TFF3: variants seen among roughly 807,000 people sequenced by gnomAD.
TFF3 encodes polypeptide P1.B.
In TFF3, 6 loss-of-function variants were observed where a neutral mutation model predicts 9.7. The observed-to-expected ratio is 0.62, with a 90% CI of 0.34 to 1.22. TFF3 has a LOEUF of 1.22. TFF3 is among the 50% of genes most tolerant of loss of function. The pLI is 0.04. For synonymous variants in TFF3, 48 were observed against 41.4 expected, an observed-to-expected ratio of 1.16 and a Z score of -0.61; for missense variants, 93 against 98.6, an observed-to-expected ratio of 0.94 and a Z score of 0.24.
At position 42,315,404 on chromosome 21, in the gene TFF3, G is replaced by A; in HGVS notation, c.-30C>T. On this transcript the variant is annotated 5_prime_UTR_variant, in exon 1 of 3. Transcript: ENST00000518498. ...ACCGTGGGCTCCGGGACGCAGCTCAGGACTCGCTTCATGGTCCAGGAGGCC... is the reference window on the plus strand; with the variant it reads ...ACCGTGGGCTCCGGGACGCAGCTCAAGACTCGCTTCATGGTCCAGGAGGCC... The A allele has an allele frequency of 1.2e-6, 2 of 1,614,186 alleles. No homozygotes were observed. The highest frequency in any genetic ancestry group is 1.7e-6 in the Non-Finnish European group (2 of 1,180,032).
intron 1 of TFF3, among the ~76,000 whole-genome samples, chr21:42,314,310 C>T (rs771547981): frequency 6.6e-6 from 1 of 152,190 alleles, no homozygotes; most frequent in South Asian, 2.1e-4. Context: ...TGCTTATCCT[C>T]CTGGCATCCA....
Position 42,312,172 on chromosome 21 carries a change from G to A in TFF3, c.*84C>T, listed in dbSNP as rs752538413. On this transcript the variant is annotated 3_prime_UTR_variant, in exon 3 of 3. Transcript: ENST00000518498. The stretch of plus-strand genomic sequence containing the variant: ...GGGAGCAAAGGGACAGAAAAGCTGA[G>A]ATGAACAGTGCCTGGCAGCAATCAC... 1 of 1,584,568 alleles carries A rather than the reference G, an allele frequency of 6.3e-7. No individual in the cohort carries two copies. Among genetic ancestry groups the A allele is most frequent in the Admixed American group, 1.7e-5 (1 of 59,978 alleles).
At position 42,312,068 on chromosome 21, in the gene TFF3, T is replaced by A; in HGVS notation, c.*188A>T. The A allele has an allele frequency of 1.3e-6, 1 of 747,382 alleles. No homozygotes were observed. The highest frequency in any genetic ancestry group is 2.4e-6 in the Non-Finnish European group (1 of 421,996). 46.3% of individuals were successfully genotyped at this position (747,382 alleles called of 1,614,324 possible). ...TCAGAAAGTCTCAGGCACGAAGAACTGTCCTCGGGTGGAGCATGGGACCTT... is the reference window on the plus strand; with the variant it reads ...TCAGAAAGTCTCAGGCACGAAGAACAGTCCTCGGGTGGAGCATGGGACCTT... On this transcript the variant is annotated 3_prime_UTR_variant, in exon 3 of 3. Transcript: ENST00000518498.
chr21:42,314,680 GC>G (rs1351798303), intron 1 of TFF3, among the ~76,000 whole-genome samples: 1 of 152,216 alleles, frequency 6.6e-6, no homozygotes, highest in Non-Finnish European at 1.5e-5. Flanking sequence ...CCTGGATCTT[GC>G]CTGGAGATGC....
Position 42,314,118 on chromosome 21 carries a change from G to C in TFF3, c.83-487C>G, listed in dbSNP as rs76500576. Among the ~76,000 whole-genome samples the C allele has an allele frequency of 4.0e-3, 611 of 152,280 alleles. 9 individuals are homozygous for C. In the East Asian group the frequency reaches 0.048, roughly 12 times the overall value. ...GCATCTCCCCTTCCTGAATTGTTGA[G>C]CATGTCCCACCCTCCCGGGACATCC... is the stretch of plus-strand genomic sequence containing the variant. On this transcript the variant is annotated intron_variant, in intron 1 of 2. Transcript: ENST00000518498.
chr21:42,312,874 A>C (rs952453743), intron 2 of TFF3, among the ~76,000 whole-genome samples: 1 of 152,158 alleles, frequency 6.6e-6, no homozygotes, highest in Non-Finnish European at 1.5e-5. Flanking sequence ...GGGGCAGCTA[A>C]GCCTGGTGGA....
chr21:42,313,826 G>T lies in TFF3; in HGVS notation c.83-195C>A. 1 of 591,962 alleles carries T rather than the reference G, an allele frequency of 1.7e-6. No individual in the cohort carries two copies. The highest frequency in any genetic ancestry group is 2.8e-6 in the Non-Finnish European group (1 of 361,062). 36.7% of individuals were successfully genotyped at this position (591,962 alleles called of 1,614,324 possible). On this transcript the variant is annotated intron_variant, in intron 1 of 2. Transcript: ENST00000518498. The surrounding 1 kb of genome is among the most constrained non-coding windows in gnomAD (Gnocchi z 4.0). ...AGAGAGGCAGTCTGTTAAATGCTCA[G>T]CTCGGGGACTCTGGCCATTTGCCTA...
chr21:42,312,665 G>T (rs1479830472), intron 2 of TFF3, among the ~76,000 whole-genome samples: 1 of 152,128 alleles, frequency 6.6e-6, no homozygotes. Context: ...GAGGCCCTGG[G>T]CAGGGGCCCA....
In TFF3 at chr21:42,313,267, T is replaced by C. The variant is rs538031978; in HGVS notation, c.229+218A>G. 1.3e-5 allele frequency among the ~76,000 whole-genome samples: 2 copies of C among 152,296 alleles called. No individual in the cohort carries two copies. The highest frequency in any genetic ancestry group is 2.1e-4 in the South Asian group (1 of 4,822). On this transcript the variant is annotated intron_variant, in intron 2 of 2. Coordinates refer to ENST00000518498, the MANE Select transcript of TFF3 (RefSeq NM_003226.4). The surrounding 1 kb of genome is among the most constrained non-coding windows in gnomAD (Gnocchi z 4.0). Reference sequence around the variant, plus strand: ...CATTTTGAACACCTTTTTGAAACAATTGCTTTTATGTTTTACATAAAGGGG... The same window carrying C: ...CATTTTGAACACCTTTTTGAAACAACTGCTTTTATGTTTTACATAAAGGGG...
rs900402757 is a variant in TFF3 at position 42,313,168 on chromosome 21, C to T, written c.229+317G>A. Among the ~76,000 whole-genome samples, 1 of 152,206 alleles carries T rather than the reference C, an allele frequency of 6.6e-6. No homozygotes were observed. The highest frequency in any genetic ancestry group is 1.5e-5 in the Non-Finnish European group (1 of 68,032). On this transcript the variant is annotated intron_variant, in intron 2 of 2. Coordinates refer to ENST00000518498, the MANE Select transcript of TFF3 (RefSeq NM_003226.4). The surrounding 1 kb of genome is among the most constrained non-coding windows in gnomAD (Gnocchi z 4.0). ...TGCAAAAACAGCCCAAAAGTCGGCC[C>T]GGCTTTCCACACCTATGCGTTTCCA...
At chr21:42,314,826 C>T (rs1244099827) in intron 1 of TFF3, among the ~76,000 whole-genome samples, 1 of 152,206 alleles carries the variant, frequency 6.6e-6, no homozygotes, top group Non-Finnish European at 1.5e-5. Context: ...GCCCTCATTC[C>T]TTCAAACTTG....
intron 1 of TFF3, among the ~76,000 whole-genome samples, chr21:42,314,376 G>A (rs1171248139): frequency 1.3e-5 from 2 of 152,192 alleles, no homozygotes; most frequent in African/African-American, 4.8e-5. Flanking sequence ...GACGTTGGCT[G>A]GGCATGGTGG....
chr21:42,313,727 C>G lies in TFF3; in HGVS notation c.83-96G>C. 1 of 1,403,566 alleles carries G rather than the reference C, an allele frequency of 7.1e-7. No individual in the cohort carries two copies. Among genetic ancestry groups the G allele is most frequent in the Non-Finnish European group, 9.5e-7 (1 of 1,056,952 alleles). The allele number at this position is 1,403,566 out of a possible 1,614,324, so 86.9% of individuals were successfully genotyped here. Reference sequence around the variant, plus strand: ...TGCAAGTTTGCATCCTCCCGCTCCGCCCCACCCCGCCGAGTTCAACCACTG... The same window carrying G: ...TGCAAGTTTGCATCCTCCCGCTCCGGCCCACCCCGCCGAGTTCAACCACTG... On this transcript the variant is annotated intron_variant, in intron 1 of 2. Transcript: ENST00000518498. The surrounding 1 kb of genome is among the most constrained non-coding windows in gnomAD (Gnocchi z 4.0).
In TFF3 at chr21:42,312,139, C is replaced by G; in HGVS notation, c.*117G>C. 1 of 1,397,078 alleles carries G rather than the reference C, an allele frequency of 7.2e-7. No individual in the cohort carries two copies. Among genetic ancestry groups the G allele is most frequent in the Non-Finnish European group, 1.0e-6 (1 of 982,206 alleles). The allele number at this position is 1,397,078 out of a possible 1,614,324, so 86.5% of individuals were successfully genotyped here. A position where few individuals can be genotyped will look rare whatever the true frequency, so the allele number is the denominator to read the frequency against. On this transcript the variant is annotated 3_prime_UTR_variant, in exon 3 of 3. Coordinates refer to ENST00000518498, the MANE Select transcript of TFF3 (RefSeq NM_003226.4). ...TCCAGATATGAACTTTCAGCAGAAG[C>G]GCTTGCCGGGAGCAAAGGGACAGAA... is the stretch of plus-strand genomic sequence containing the variant.
Position 42,313,355 on chromosome 21 carries a change from G to C in TFF3, c.229+130C>G. 1 of 1,142,984 alleles carries C rather than the reference G, an allele frequency of 8.7e-7. No homozygotes were observed. The highest frequency in any genetic ancestry group is 1.7e-5 in the South Asian group (1 of 59,156). The allele number at this position is 1,142,984 out of a possible 1,614,324, so 70.8% of individuals were successfully genotyped here. Reference sequence around the variant, plus strand: ...TGTGAAGCCTCTGCTCTGAGGCCTTGGAACAGGTGTGTGTGTGTGGCTTCC... The same window carrying C: ...TGTGAAGCCTCTGCTCTGAGGCCTTCGAACAGGTGTGTGTGTGTGGCTTCC... On this transcript the variant is annotated intron_variant, in intron 2 of 2. Coordinates refer to ENST00000518498, the MANE Select transcript of TFF3 (RefSeq NM_003226.4). The surrounding 1 kb of genome is among the most constrained non-coding windows in gnomAD (Gnocchi z 4.0).
chr21:42,313,694 C>T lies in TFF3; in HGVS notation c.83-63G>A, dbSNP rs577728762. On this transcript the variant is annotated intron_variant, in intron 1 of 2. Transcript: ENST00000518498. This position sits in a 1 kb window ranked among gnomAD's most constrained non-coding sequence, Gnocchi z 4.0. ...TGCTGGGCTGCGGTGAGTGTGTTTG[C>T]TTCACTTTGCAAGTTTGCATCCTCC... The T allele has an allele frequency of 6.5e-7, 1 of 1,530,862 alleles. No homozygotes were observed. Among genetic ancestry groups the T allele is most frequent in the African/African-American group, 1.4e-5 (1 of 72,364 alleles). 94.8% of individuals were successfully genotyped at this position (1,530,862 alleles called of 1,614,324 possible).
Position 42,313,394 on chromosome 21 carries a change from C to T in TFF3, c.229+91G>A. The T allele has an allele frequency of 6.8e-7, 1 of 1,464,452 alleles. No homozygotes were observed. Among genetic ancestry groups the T allele is most frequent in the South Asian group, 1.3e-5 (1 of 74,148 alleles). 90.7% of individuals were successfully genotyped at this position (1,464,452 alleles called of 1,614,324 possible). On this transcript the variant is annotated intron_variant, in intron 2 of 2. Transcript: ENST00000518498. The surrounding 1 kb of genome is among the most constrained non-coding windows in gnomAD (Gnocchi z 4.0). ...TGTGTGGCTTCCTGGGGTCCTTGTG[C>T]CTCCATCTCCAGCCCAGAAAGGACA...
In TFF3 at chr21:42,313,474, T is replaced by C. The variant is rs1352876152; in HGVS notation, c.229+11A>G. The stretch of plus-strand genomic sequence containing the variant: ...GGCTGGGCCCAGACCACGATGCCAC[T>C]GGGGCCTTACCTGCTTCCTGCAGGG... On this transcript the variant is annotated intron_variant, in intron 2 of 2. Transcript: ENST00000518498. This position sits in a 1 kb window ranked among gnomAD's most constrained non-coding sequence, Gnocchi z 4.0. 2 of 1,603,598 alleles carry C rather than the reference T, an allele frequency of 1.2e-6. No homozygotes were observed. Among genetic ancestry groups the C allele is most frequent in the African/African-American group, 1.3e-5 (1 of 74,528 alleles).
In TFF3 at chr21:42,313,523, G is replaced by C; in HGVS notation, c.191C>G (p.Pro64Arg). Residue 64 changes from proline (P) to arginine (R), a missense_variant, in exon 2 of 3, where the codon CCT (proline) becomes CGT (arginine). Physicochemically the swap from Pro to Arg is moderately radical, Grantham distance 103. Transcript: ENST00000518498. This position sits in a 1 kb window ranked among gnomAD's most constrained non-coding sequence, Gnocchi z 4.0. ...GGGCTTGAAACACCAAGGCACTCCA[G>C]GGATCCTGGAGTCAAAGCAGCAGCC... ...NRGCCFDSRIPGVPWCFKPLQ... is the reference protein window; with the variant it reads ...NRGCCFDSRIRGVPWCFKPLQ... 6.2e-7 allele frequency: 1 copy of C among 1,610,108 alleles called. No individual in the cohort carries two copies. Among genetic ancestry groups the C allele is most frequent in the South Asian group, 1.1e-5 (1 of 90,596 alleles).
Sources: allele counts gnomAD v4.1 joint callset (sites outside exome capture counted in the v4.1 genomes callset), GRCh38; gene constraint gnomAD v4.1.1; non-coding constraint Gnocchi (gnomAD v3.1); transcripts MANE v1.5; gene names NCBI Gene and HGNC (gene_info 2026-07-23, HGNC 2026-07-21).